Variants in INPP4B observed in about 807,000 individuals in gnomAD.
INPP4B encodes inositol polyphosphate 4-phosphatase type II.
Under a neutral mutation model 122.5 loss-of-function variants are expected in INPP4B, and 55 were observed. The observed-to-expected ratio is 0.45, with a 90% CI of 0.36 to 0.56. The LOEUF is 0.56. Ranked by LOEUF, INPP4B falls within the 20% of genes least tolerant of loss-of-function variation. The pLI is 0.00. For synonymous variants in INPP4B, 403 were observed against 388.7 expected (o/e 1.04, Z -0.43); for missense variants, 1,000 against 1,097.7 (o/e 0.91, Z 1.26).
At chr4:142,246,443 C>A (rs1407729188) in intron 11 of INPP4B, among the ~76,000 whole-genome samples, 2 of 151,972 alleles carry the variant, frequency 1.3e-5, no homozygotes, top group Non-Finnish European at 2.9e-5. Context: ...GAATGTTTTT[C>A]CATTTGTTTG....
At chr4:142,332,847 TAA>T (rs533319161) in intron 7 of INPP4B, among the ~76,000 whole-genome samples, 21 of 123,376 alleles carry the variant, frequency 1.7e-4, no homozygotes, top group Admixed American at 3.3e-4. Flanking sequence ...TACTAAAAAT[TAA>T]AAAAAAAAAA....
rs28609523 is a variant in INPP4B, at chr4:142,507,702, G to T, written c.-190-44976C>A. 9.4e-3 allele frequency among the ~76,000 whole-genome samples: 1,424 copies of T among 152,172 alleles called. 19 individuals carry two copies. Among genetic ancestry groups the T allele is most frequent in the African/African-American group, 0.033 (1,351 of 41,510 alleles). On this transcript the variant is annotated intron_variant, in intron 2 of 25. Transcript: ENST00000262992. Reference sequence around the variant, plus strand: ...TTGAACTTGGAGTTAGCAGAACTCTGGATGTGAGTTGCCAGCTCTACAAGA... The same window carrying T: ...TTGAACTTGGAGTTAGCAGAACTCTTGATGTGAGTTGCCAGCTCTACAAGA...
intron 2 of INPP4B, among the ~76,000 whole-genome samples, chr4:142,680,035 A>C (rs568784943): frequency 6.6e-5 from 10 of 151,976 alleles, no homozygotes; most frequent in African/African-American, 1.9e-4. Flanking sequence ...AGCAATGGAC[A>C]AGCTGGCTGG....
chr4:142,280,819 A>G (rs570708527), intron 9 of INPP4B, among the ~76,000 whole-genome samples: 52 of 152,096 alleles, frequency 3.4e-4, no homozygotes, highest in Admixed American at 5.3e-4. Flanking sequence ...ATGTCAAGCA[A>G]ATTTCTGACA....
chr4:142,412,982 T>G (rs1804922879), intron 5 of INPP4B, among the ~76,000 whole-genome samples: 1 of 152,166 alleles, frequency 6.6e-6, no homozygotes, highest in South Asian at 2.1e-4. Context: ...CTCAGTTCAC[T>G]GGTTTTAAAG....
chr4:142,106,300 A>G (rs1196916894), intron 23 of INPP4B, among the ~76,000 whole-genome samples: 3 of 152,102 alleles, frequency 2.0e-5, no homozygotes, highest in Admixed American at 2.0e-4. Flanking sequence ...TTATTTTGAG[A>G]CAGAGTCTCA....
chr4:142,269,134 G>A (rs887915543), intron 10 of INPP4B, among the ~76,000 whole-genome samples: 1 of 152,096 alleles, frequency 6.6e-6, no homozygotes. Flanking sequence ...AGCCAAACAC[G>A]TAATTGACTT....
At chr4:142,053,189 G>A (rs1755606037) in intron 25 of INPP4B, among the ~76,000 whole-genome samples, 1 of 152,040 alleles carries the variant, frequency 6.6e-6, no homozygotes, top group Non-Finnish European at 1.5e-5. Flanking sequence ...GGACCTGGAG[G>A]GTTGGCTGGG....
intron 2 of INPP4B, among the ~76,000 whole-genome samples, chr4:142,567,846 A>G (rs966934972): frequency 6.6e-6 from 1 of 152,114 alleles, no homozygotes; most frequent in Non-Finnish European, 1.5e-5. Context: ...AATGAATAAG[A>G]AAAAAAGAAA....
Position 142,832,767 on chromosome 4 carries a change from G to A in INPP4B, c.-254+13442C>T, listed in dbSNP as rs7683768. Among the ~76,000 whole-genome samples the A allele has an allele frequency of 4.3e-4, 65 of 149,902 alleles. No individual in the cohort carries two copies. The South Asian group carries it at 4.4e-3, about 10-fold the overall frequency. On this transcript the variant is annotated intron_variant, in intron 1 of 25. Transcript: ENST00000262992. ...ATATCACAGTCTCTACTCCCCCCCC[G>A]CATTGTCTTATACCTAATCCATTTC... is the stretch of plus-strand genomic sequence containing the variant.
chr4:142,040,742 TAAC>T (rs771872368), intron 25 of INPP4B, among the ~76,000 whole-genome samples: 1 of 152,120 alleles, frequency 6.6e-6, no homozygotes, highest in Non-Finnish European at 1.5e-5. Flanking sequence ...TGCTTGAAAA[TAAC>T]AGTCAGATAA....
At chr4:142,140,057 G>T (rs1006613780) in intron 18 of INPP4B, among the ~76,000 whole-genome samples, 1 of 152,164 alleles carries the variant, frequency 6.6e-6, no homozygotes, top group Non-Finnish European at 1.5e-5. Context: ...ATCCCAGGAG[G>T]AAATGTGGAA....
chr4:142,660,575 G>GGGC (rs1471146391), intron 2 of INPP4B, among the ~76,000 whole-genome samples: 1 of 152,076 alleles, frequency 6.6e-6, no homozygotes, highest in East Asian at 1.9e-4. Context: ...GAAACTGGTT[G>GGGC]CCTTAGGACT....
At chr4:142,654,970 T>C (rs900595081) in intron 2 of INPP4B, among the ~76,000 whole-genome samples, 1 of 152,138 alleles carries the variant, frequency 6.6e-6, no homozygotes, top group Non-Finnish European at 1.5e-5. Context: ...AGAAAGCACT[T>C]AATTGAAAGG....
intron 14 of INPP4B, among the ~76,000 whole-genome samples, chr4:142,202,471 G>A (rs1043811242): frequency 9.2e-5 from 14 of 152,018 alleles, no homozygotes; most frequent in Admixed American, 6.6e-4. Flanking sequence ...ATTTGACATC[G>A]TTATTAAATA....
At chr4:142,229,620 C>T (rs1853267337) in intron 12 of INPP4B, among the ~76,000 whole-genome samples, 1 of 152,124 alleles carries the variant, frequency 6.6e-6, no homozygotes, top group Admixed American at 6.6e-5. Flanking sequence ...CCAAGCAACT[C>T]TCAAGTGCAG....
chr4:142,615,200 G>A (rs1743443671), intron 2 of INPP4B, among the ~76,000 whole-genome samples: 1 of 152,168 alleles, frequency 6.6e-6, no homozygotes, highest in African/African-American at 2.4e-5. Flanking sequence ...ACAATCTGAA[G>A]AGTTCCTGAG....
chr4:142,492,228 C>A (rs1272695715), intron 2 of INPP4B, among the ~76,000 whole-genome samples: 1 of 152,094 alleles, frequency 6.6e-6, no homozygotes, highest in Non-Finnish European at 1.5e-5. Flanking sequence ...GTCAACTAAA[C>A]CTCTTTCCTT....
chr4:142,473,858 T>C (rs894738862), intron 2 of INPP4B, among the ~76,000 whole-genome samples: 2 of 152,118 alleles, frequency 1.3e-5, no homozygotes, highest in Admixed American at 1.3e-4. Flanking sequence ...AGCTGGAAAG[T>C]GCAGCTTCCT....
Sources: allele counts gnomAD v4.1 joint callset (sites outside exome capture counted in the v4.1 genomes callset), GRCh38; gene constraint gnomAD v4.1.1; transcripts MANE v1.5; gene names NCBI Gene and HGNC (gene_info 2026-07-23, HGNC 2026-07-21).